The following COPS2 variants were observed in gnomAD, a reference collection of about 807,000 sequenced individuals.
COPS2 encodes the protein COP9 signalosome subunit 2.
In COPS2, 10 loss-of-function variants were observed where a neutral mutation model predicts 66.1. That is an observed-to-expected ratio of 0.15 (90% CI 0.09 to 0.26). COPS2 has a LOEUF of 0.26. COPS2 is among the 10% of genes least tolerant of loss of function. COPS2 has a pLI of 1.00. For synonymous variants in COPS2, 179 were observed against 171.3 expected (o/e 1.04, Z -0.35); for missense variants, 215 against 513.3 (o/e 0.42, Z 5.62).
chr15:49,134,272 G>T, intron 7 of COPS2, 68 bp downstream of exon 7: 1 of 1,514,496 alleles, frequency 6.6e-7, no homozygotes, highest in Non-Finnish European at 8.9e-7. Flanking sequence ...GTTCTAAAAA[G>T]CAAGAGTTTA....
chr15:49,131,940 T>A (rs1404040013), intron 9 of COPS2, among the ~76,000 whole-genome samples: 1 of 152,192 alleles, frequency 6.6e-6, no homozygotes, highest in African/African-American at 2.4e-5. Context: ...TACAGTGGCT[T>A]TGCTGGAGTA....
At chr15:49,154,113 C>T (rs1267868813) in intron 1 of COPS2, among the ~76,000 whole-genome samples, 1 of 151,974 alleles carries the variant, frequency 6.6e-6, no homozygotes, top group Non-Finnish European at 1.5e-5. Flanking sequence ...CACTACATAT[C>T]CTGTGCATGT....
In COPS2 at chr15:49,126,761, T is replaced by C. The variant is rs1036224183; in HGVS notation, c.*1189A>G. The C allele has an allele frequency of 2.6e-5, 4 of 152,148 alleles. No individual in the cohort carries two copies. The highest frequency in any genetic ancestry group is 9.6e-5 in the African/African-American group (4 of 41,456). The allele number at this position is 152,148 out of a possible 1,614,324, so 9.4% of individuals were successfully genotyped here. A position where few individuals can be genotyped will look rare whatever the true frequency, so the allele number is the denominator to read the frequency against. Reference sequence around the variant, plus strand: ...TTGGGATTGCCTTCAAAGCCAGTTATATACTTTCTGCATTACCTCAAAGTT... The same window carrying C: ...TTGGGATTGCCTTCAAAGCCAGTTACATACTTTCTGCATTACCTCAAAGTT... On this transcript the variant is annotated 3_prime_UTR_variant, in exon 13 of 13. Coordinates refer to ENST00000388901, the MANE Select transcript of COPS2 (RefSeq NM_004236.4).
At chr15:49,154,886 T>C (rs1418418652) in intron 1 of COPS2, among the ~76,000 whole-genome samples, 2 of 152,090 alleles carry the variant, frequency 1.3e-5, no homozygotes, top group Non-Finnish European at 2.9e-5. Flanking sequence ...AAGCAAAACC[T>C]CCTCCCCAGC....
intron 1 of COPS2, 140 bp downstream of exon 1, chr15:49,155,385 G>A (rs1420651252): frequency 1.4e-6 from 1 of 725,482 alleles, no homozygotes; most frequent in African/African-American, 1.8e-5. Context: ...GAACGGGGAG[G>A]AGGTAAACCA....
At position 49,135,963 on chromosome 15, in the gene COPS2, C is replaced by T. The variant is rs1325755918; in HGVS notation, c.540+1187G>A. On this transcript the variant is annotated intron_variant, in intron 6 of 12. Coordinates refer to ENST00000388901, the MANE Select transcript of COPS2 (RefSeq NM_004236.4). ...CTCCACCATTCAGAGATGGCTGTTC[C>T]AGCATTTCCATTTCATAGGGAACTG... Among the ~76,000 whole-genome samples, 3 of 152,274 alleles carry T rather than the reference C, an allele frequency of 2.0e-5. No homozygotes were observed. In the East Asian group the frequency reaches 5.8e-4, roughly 29 times the overall value.
In COPS2 at chr15:49,124,857, G is replaced by A. The variant is rs986914063; in HGVS notation, c.*3093C>T. The A allele has an allele frequency of 6.6e-6, 1 of 151,934 alleles. No homozygotes were observed. The highest frequency in any genetic ancestry group is 1.5e-5 in the Non-Finnish European group (1 of 68,004). 9.4% of individuals were successfully genotyped at this position (151,934 alleles called of 1,614,324 possible). On this transcript the variant is annotated 3_prime_UTR_variant, in exon 13 of 13. Coordinates refer to ENST00000388901, the MANE Select transcript of COPS2 (RefSeq NM_004236.4). ...TAAATTAATGATTACAGATCTCTGA[G>A]CTTCTTAAAAAGAGGTAAAGGGAAT...
intron 3 of COPS2, among the ~76,000 whole-genome samples, chr15:49,143,310 C>A (rs2084300854): frequency 6.6e-6 from 1 of 152,058 alleles, no homozygotes; most frequent in African/African-American, 2.4e-5. Flanking sequence ...GAGATGGGGA[C>A]CACTAGAAGA....
rs1391578688 is a variant in COPS2 at position 49,149,769 on chromosome 15, C to CCATT, written c.55-4695_55-4692dup. ...ATGTACTTTAGGAAAACAATACTCA[C>CCATT]CATTAACAATGCTTTCTGAGTCTTG... is the stretch of plus-strand genomic sequence containing the variant. On this transcript the variant is annotated intron_variant, in intron 1 of 12. Coordinates refer to ENST00000388901, the MANE Select transcript of COPS2 (RefSeq NM_004236.4). 3.9e-5 allele frequency among the ~76,000 whole-genome samples: 6 copies of CCATT among 152,142 alleles called. No homozygotes were observed. The East Asian group carries it at 1.2e-3, about 29-fold the overall frequency.
chr15:49,132,580 A>G, intron 9 of COPS2, among the ~76,000 whole-genome samples: 1 of 150,894 alleles, frequency 6.6e-6, no homozygotes, highest in African/African-American at 2.4e-5. Context: ...GCAAAAAAAA[A>G]AAAAAAAAAA....
chr15:49,151,725 T>C (rs1260028800), intron 1 of COPS2, among the ~76,000 whole-genome samples: 1 of 151,954 alleles, frequency 6.6e-6, no homozygotes, highest in East Asian at 1.9e-4. Flanking sequence ...AAATGCCTGC[T>C]TCTGCCTCTA....
chr15:49,154,966 C>G (rs894715432), intron 1 of COPS2, among the ~76,000 whole-genome samples: 3 of 152,198 alleles, frequency 2.0e-5, no homozygotes, highest in Non-Finnish European at 4.4e-5. Flanking sequence ...CTGAACTCTC[C>G]CCTACACACT....
intron 1 of COPS2, among the ~76,000 whole-genome samples, chr15:49,154,510 CA>C (rs1347205469): frequency 6.6e-6 from 1 of 152,070 alleles, no homozygotes; most frequent in African/African-American, 2.4e-5. Context: ...AATATTTTGA[CA>C]ATCTCTGGCA....
At chr15:49,136,106 C>T (rs959122271) in intron 6 of COPS2, among the ~76,000 whole-genome samples, 3 of 152,080 alleles carry the variant, frequency 2.0e-5, no homozygotes, top group Non-Finnish European at 2.9e-5. Flanking sequence ...GCAGGTGATT[C>T]ATTTAGAACA....
chr15:49,138,222 TC>T (rs1304927903), intron 4 of COPS2, among the ~76,000 whole-genome samples: 2 of 152,084 alleles, frequency 1.3e-5, no homozygotes, highest in Non-Finnish European at 2.9e-5. Flanking sequence ...CCCACCCTCT[TC>T]CCCCCGCTTC....
intron 1 of COPS2, among the ~76,000 whole-genome samples, chr15:49,149,142 C>T (rs75026498): frequency 6.6e-6 from 1 of 152,062 alleles, no homozygotes; most frequent in South Asian, 2.1e-4. Flanking sequence ...AATAAAAAAA[C>T]CCCCTAAAGT....
chr15:49,146,803 T>C (rs146031515), intron 1 of COPS2, among the ~76,000 whole-genome samples: 12 of 152,226 alleles, frequency 7.9e-5, no homozygotes, highest in African/African-American at 2.4e-4. Context: ...TAAATTATCT[T>C]ATTCCTCTCC....
At chr15:49,154,328 T>G (rs1465393373) in intron 1 of COPS2, among the ~76,000 whole-genome samples, 1 of 152,200 alleles carries the variant, frequency 6.6e-6, no homozygotes, top group Non-Finnish European at 1.5e-5. Flanking sequence ...GTAGAAACCA[T>G]AACTATTAGC....
At chr15:49,141,686 A>C (rs937843195) in intron 3 of COPS2, among the ~76,000 whole-genome samples, 11 of 152,160 alleles carry the variant, frequency 7.2e-5, no homozygotes, top group Admixed American at 6.5e-4. Context: ...CATAGCTCCT[A>C]CTCTGAGTCC....
Sources: gnomAD v4.1 joint callset for allele counts (sites outside exome capture counted in the v4.1 genomes callset) on GRCh38, gnomAD v4.1.1 for gene constraint, MANE v1.5 for transcripts, NCBI Gene and HGNC (gene_info 2026-07-23, HGNC 2026-07-21) for gene names.